Variants in PARPBP observed in about 807,000 individuals in gnomAD.
PARPBP encodes the protein PARP1 binding protein, also known as PCNA-interacting partner.
In PARPBP, 52 loss-of-function variants were observed where a neutral mutation model predicts 50.0. The ratio of observed to expected loss-of-function variants is 1.04; its 90% CI spans 0.83 to 1.31. The LOEUF (loss-of-function observed/expected upper bound fraction) is 1.31, where lower values mean the gene tolerates loss of function less well. Among genes scored for constraint, PARPBP ranks in the 50% most tolerant of loss-of-function variants. The pLI is 0.00. For synonymous variants in PARPBP, 244 were observed against 232.1 expected, an observed-to-expected ratio of 1.05 and a Z score of -0.47; for missense variants, 697 against 672.0, an observed-to-expected ratio of 1.04 and a Z score of -0.41.
intron 8 of PARPBP, among the ~76,000 whole-genome samples, chr12:102,179,362 G>A (rs1355532887): frequency 1.3e-5 from 2 of 152,222 alleles, no homozygotes; most frequent in Non-Finnish European, 2.9e-5. Flanking sequence ...CTGGTATTAT[G>A]TGTAAGACAT....
chr12:102,149,286 TATTGAG>T (rs1440839085), intron 3 of PARPBP, among the ~76,000 whole-genome samples: 2 of 152,204 alleles, frequency 1.3e-5, no homozygotes, highest in Non-Finnish European at 2.9e-5. Context: ...CTACAATAGT[TATTGAG>T]AGAAAAATAG....
intron 3 of PARPBP, chr12:102,148,944 T>C (rs1885816765): frequency 6.6e-6 from 1 of 152,384 alleles, no homozygotes; most frequent in African/African-American, 2.4e-5. Flanking sequence ...CTATTCTTTT[T>C]TTGCACAAGC....
chr12:102,147,279 T>C (rs986465017), intron 2 of PARPBP, among the ~76,000 whole-genome samples: 3 of 152,158 alleles, frequency 2.0e-5, no homozygotes, highest in South Asian at 4.1e-4. Context: ...ATGTTTATTC[T>C]GGCACTATTC....
intron 4 of PARPBP, among the ~76,000 whole-genome samples, chr12:102,162,086 TAAAC>T (rs1259707582): frequency 6.6e-6 from 1 of 152,158 alleles, no homozygotes; most frequent in African/African-American, 2.4e-5. Flanking sequence ...CATGGGAACT[TAAAC>T]AGTCAAAATA....
intron 6 of PARPBP, among the ~76,000 whole-genome samples, chr12:102,175,258 A>G (rs971098694): frequency 4.6e-5 from 7 of 152,228 alleles, no homozygotes; most frequent in African/African-American, 1.4e-4. Context: ...ATCAGCTTTC[A>G]AATCAAGGAA....
At chr12:102,157,248 A>G (rs1005384149) in intron 4 of PARPBP, among the ~76,000 whole-genome samples, 1 of 152,198 alleles carries the variant, frequency 6.6e-6, no homozygotes, top group Non-Finnish European at 1.5e-5. Context: ...ATTTGAAAGT[A>G]AGTTGCTGAC....
chr12:102,187,485 G>T (rs997652322), intron 9 of PARPBP, among the ~76,000 whole-genome samples: 3 of 152,060 alleles, frequency 2.0e-5, no homozygotes, highest in African/African-American at 7.2e-5. Flanking sequence ...CTACTGAATT[G>T]GGGAAATTAT....
intron 6 of PARPBP, among the ~76,000 whole-genome samples, chr12:102,170,281 T>A (rs1888559393): frequency 6.6e-6 from 1 of 152,246 alleles, no homozygotes; most frequent in Non-Finnish European, 1.5e-5. Flanking sequence ...ATGCGCCACT[T>A]GATGAGAATA....
At chr12:102,143,273 G>A (rs1035558447) in intron 2 of PARPBP, among the ~76,000 whole-genome samples, 2 of 152,170 alleles carry the variant, frequency 1.3e-5, no homozygotes, top group African/African-American at 2.4e-5. Flanking sequence ...GTGGGCGTGG[G>A]ACCCTCTTAG....
At chr12:102,151,477 T>C in intron 3 of PARPBP, 1 of 803,416 alleles carries the variant, frequency 1.2e-6, no homozygotes, top group Non-Finnish European at 2.0e-6. Flanking sequence ...AGCCTGCGGC[T>C]GCTGGGAGAT....
intron 6 of PARPBP, among the ~76,000 whole-genome samples, chr12:102,170,920 T>C (rs1888645044): frequency 6.6e-6 from 1 of 150,822 alleles, no homozygotes; most frequent in South Asian, 2.1e-4. Context: ...TTTTTTTTTT[T>C]TTTGCTTTTT....
chr12:102,184,899 C>G (rs111711274), intron 9 of PARPBP, among the ~76,000 whole-genome samples: 1 of 152,016 alleles, frequency 6.6e-6, no homozygotes, highest in East Asian at 1.9e-4. Context: ...TACTTTTGCT[C>G]TTTTGGCATA....
chr12:102,163,138 A>G (rs539062289), intron 4 of PARPBP, among the ~76,000 whole-genome samples: 1 of 152,328 alleles, frequency 6.6e-6, no homozygotes, highest in Non-Finnish European at 1.5e-5. Context: ...CCTTTTGCAC[A>G]TTTGTGAAAA....
At chr12:102,154,523 C>T (rs996278203) in intron 4 of PARPBP, among the ~76,000 whole-genome samples, 5 of 152,240 alleles carry the variant, frequency 3.3e-5, no homozygotes, top group South Asian at 2.1e-4. Context: ...CTTACGAAAA[C>T]GGGGACTAAA....
Position 102,193,212 on chromosome 12 carries a change from A to G in PARPBP, c.1264-2100A>G, listed in dbSNP as rs544158854. Among the ~76,000 whole-genome samples, 3 of 152,030 alleles carry G rather than the reference A, an allele frequency of 2.0e-5. 1 individual carries two copies. The highest frequency in any genetic ancestry group is 7.2e-5 in the African/African-American group (3 of 41,524). The stretch of plus-strand genomic sequence containing the variant: ...GTGACTATTTGCATAGCAAGCAAAG[A>G]TTTTTTTACCTAGACTATATGTTAA... On this transcript the variant is annotated intron_variant, in intron 9 of 10. Transcript: ENST00000327680.
chr12:102,173,119 G>A (rs1334165727), intron 6 of PARPBP, among the ~76,000 whole-genome samples: 1 of 152,192 alleles, frequency 6.6e-6, no homozygotes, highest in African/African-American at 2.4e-5. Flanking sequence ...AATAGGTGAA[G>A]GAGGAAAGCC....
At chr12:102,156,740 C>T (rs1180376240) in intron 4 of PARPBP, among the ~76,000 whole-genome samples, 2 of 152,146 alleles carry the variant, frequency 1.3e-5, no homozygotes, top group East Asian at 3.9e-4. Flanking sequence ...CTCCCAGGTT[C>T]AAGCGATCCT....
intron 9 of PARPBP, among the ~76,000 whole-genome samples, chr12:102,191,749 C>G (rs1890810090): frequency 6.6e-6 from 1 of 152,094 alleles, no homozygotes; most frequent in South Asian, 2.1e-4. Context: ...TGCAATTATG[C>G]TGTGGATAGA....
At chr12:102,183,522 A>G (rs879659386) in intron 9 of PARPBP, among the ~76,000 whole-genome samples, 1 of 152,082 alleles carries the variant, frequency 6.6e-6, no homozygotes, top group Non-Finnish European at 1.5e-5. Context: ...TTAGCAATTA[A>G]TGCTTGTGGA....
Sources: gnomAD v4.1 joint callset for allele counts (sites outside exome capture counted in the v4.1 genomes callset) on GRCh38, gnomAD v4.1.1 for gene constraint, MANE v1.5 for transcripts, NCBI Gene and HGNC (gene_info 2026-07-23, HGNC 2026-07-21) for gene names.